Variants in SLC3A1 observed in about 807,000 individuals in gnomAD.
SLC3A1 encodes amino acid transporter heavy chain SLC3A1.
SLC3A1 carries 78 observed loss-of-function variants against 60.3 expected under a neutral mutation model. The ratio of observed to expected loss-of-function variants is 1.29; its 90% CI spans 1.08 to 1.56. SLC3A1 has a LOEUF of 1.56. Ranked by LOEUF, SLC3A1 falls within the 40% of genes most tolerant of loss-of-function variation. The pLI, the probability that SLC3A1 is intolerant of heterozygous loss-of-function variation, is 0.00. For synonymous variants in SLC3A1, 392 were observed against 307.9 expected (o/e 1.27, Z -2.86); for missense variants, 1,172 against 858.9 (o/e 1.36, Z -4.56).
At chr2:44,315,497 C>T (rs112561772) in intron 9 of SLC3A1, among the ~76,000 whole-genome samples, 2 of 83,896 alleles carry the variant, frequency 2.4e-5, no homozygotes, top group African/African-American at 1.1e-4. Context: ...TTCCCCCTAC[C>T]CCCGCCAAAA....
At chr2:44,286,258 C>T (rs533983612) in intron 4 of SLC3A1, 101 bp downstream of exon 4, 3 of 1,146,596 alleles carry the variant, frequency 2.6e-6, no homozygotes, top group African/African-American at 3.1e-5. Context: ...AAAATCAAGT[C>T]TTTAATTATT....
At chr2:44,310,083 G>A (rs761422137) in intron 7 of SLC3A1, among the ~76,000 whole-genome samples, 64 of 152,088 alleles carry the variant, frequency 4.2e-4, no homozygotes, top group Middle Eastern at 3.4e-3. Context: ...TTGTGGAGAT[G>A]GGGTTTTGCC....
intron 7 of SLC3A1, among the ~76,000 whole-genome samples, chr2:44,309,407 T>C (rs2340810): frequency 0.64 from 96,708 of 152,082 alleles, 31,247 homozygotes; most frequent in Middle Eastern, 0.69. Flanking sequence ...CTCCTTCTTA[T>C]GACTGAATAA....
chr2:44,277,148 C>T (rs1357281206), intron 1 of SLC3A1, among the ~76,000 whole-genome samples: 2 of 138,572 alleles, frequency 1.4e-5, no homozygotes, highest in East Asian at 2.1e-4. Flanking sequence ...ACTCTTGTTG[C>T]CCAGGCTGGA....
chr2:44,291,699 T>C (rs921323444), intron 4 of SLC3A1, among the ~76,000 whole-genome samples: 1 of 152,150 alleles, frequency 6.6e-6, no homozygotes, highest in Non-Finnish European at 1.5e-5. Context: ...GGTTAATAAT[T>C]TGCAGCTCAG....
intron 9 of SLC3A1, among the ~76,000 whole-genome samples, chr2:44,317,052 C>T (rs943109534): frequency 2.0e-5 from 3 of 152,048 alleles, no homozygotes; most frequent in Non-Finnish European, 4.4e-5. Context: ...GGAGGGGGCA[C>T]ACAGGAGCAA....
At chr2:44,293,389 C>A (rs937143124) in intron 4 of SLC3A1, among the ~76,000 whole-genome samples, 3 of 151,982 alleles carry the variant, frequency 2.0e-5, no homozygotes, top group African/African-American at 4.8e-5. Context: ...TGGTGGTGGG[C>A]ACCTGTAATC....
intron 3 of SLC3A1, 166 bp from the exon 4 acceptor site, chr2:44,285,866 G>T: frequency 1.2e-6 from 1 of 834,272 alleles, no homozygotes. Flanking sequence ...TAGGCCAATG[G>T]GGTGGGGGGT....
chr2:44,309,887 T>A (rs1238986191), intron 7 of SLC3A1, among the ~76,000 whole-genome samples: 1 of 151,770 alleles, frequency 6.6e-6, no homozygotes. Context: ...CATAAGCCAC[T>A]GTGCCCAGGC....
chr2:44,277,636 T>G (rs796379750), intron 1 of SLC3A1, among the ~76,000 whole-genome samples: 105 of 152,168 alleles, frequency 6.9e-4, no homozygotes, highest in African/African-American at 2.4e-3. Context: ...TATGACCTGC[T>G]GCCTTTTGCA....
At chr2:44,292,327 C>T (rs1194362003) in intron 4 of SLC3A1, among the ~76,000 whole-genome samples, 1 of 152,194 alleles carries the variant, frequency 6.6e-6, no homozygotes, top group Non-Finnish European at 1.5e-5. Context: ...ACACAATTCG[C>T]TCACTACCTG....
chr2:44,320,144 T>C (rs1035066308), intron 9 of SLC3A1, 55 bp from the exon 10 acceptor site: 7 of 1,452,944 alleles, frequency 4.8e-6, no homozygotes, highest in Non-Finnish European at 6.6e-6. Context: ...TTAAAAATAC[T>C]TACAAACAAT....
intron 6 of SLC3A1, chr2:44,301,428 ATTAT>A (rs1427252519): frequency 1.7e-6 from 1 of 583,732 alleles, no homozygotes; most frequent in Non-Finnish European, 3.0e-6. Flanking sequence ...GCCATGAGCT[ATTAT>A]TTTTTCTTTT....
chr2:44,306,787 C>T (rs1231260524), intron 7 of SLC3A1, among the ~76,000 whole-genome samples: 1 of 152,006 alleles, frequency 6.6e-6, no homozygotes, highest in African/African-American at 2.4e-5. Context: ...GAACTCCTGA[C>T]CTCAGGTGAT....
chr2:44,300,924 T>C lies in SLC3A1; in HGVS notation c.1012-79T>C, dbSNP rs1423696826. The C allele has an allele frequency of 5.1e-6, 8 of 1,568,792 alleles. No homozygotes were observed. The East Asian group carries it at 6.7e-5, about 13-fold the overall frequency. On this transcript the variant is annotated intron_variant, in intron 5 of 9. Transcript: ENST00000260649. ...GCTTGGCTTGAGCCCTTTGAAGAGG[T>C]TGTCTACATTCATATAGAGCGAGCT...
chr2:44,311,794 G>A (rs953132384), intron 7 of SLC3A1, among the ~76,000 whole-genome samples: 6 of 150,850 alleles, frequency 4.0e-5, no homozygotes, highest in South Asian at 2.1e-4. Flanking sequence ...ACTCAAGTTC[G>A]AACGCTAGTT....
intron 4 of SLC3A1, among the ~76,000 whole-genome samples, chr2:44,296,217 G>GT (rs1337480130): frequency 6.6e-6 from 1 of 152,160 alleles, no homozygotes; most frequent in African/African-American, 2.4e-5. Flanking sequence ...GTGAATTGCT[G>GT]TTTTACCCTC....
Position 44,275,905 on chromosome 2 carries a change from T to A in SLC3A1, c.370T>A (p.Tyr124Asn), listed in dbSNP as rs761129849. The change falls in exon 1 of 10, where the codon TAC (tyrosine) becomes AAC (asparagine). Residue 124 changes from tyrosine to asparagine, a missense_variant. Transcript: ENST00000260649. ...CLDWWQEGPM[Y>N]QIYPRSFKDS... ...AGACTGGTGGCAGGAGGGGCCCATG[T>A]ACCAGATCTACCCAAGGTCTTTCAA... 4 of 1,613,848 alleles carry A rather than the reference T, an allele frequency of 2.5e-6. No homozygotes were observed. The highest frequency in any genetic ancestry group is 3.4e-6 in the Non-Finnish European group (4 of 1,179,948).
At chr2:44,280,925 G>A (rs1671482925) in intron 2 of SLC3A1, 30 bp downstream of exon 2, 2 of 1,595,282 alleles carry the variant, frequency 1.3e-6, no homozygotes, top group Non-Finnish European at 1.7e-6. Flanking sequence ...GGCAAGATGG[G>A]GATGAGGTTT....
Sources: gnomAD v4.1 joint callset for allele counts (sites outside exome capture counted in the v4.1 genomes callset) on GRCh38, gnomAD v4.1.1 for gene constraint, MANE v1.5 for transcripts, NCBI Gene and HGNC (gene_info 2026-07-23, HGNC 2026-07-21) for gene names.